Variants in USP40 observed in about 807,000 individuals in gnomAD.
USP40 encodes ubiquitin carboxyl-terminal hydrolase 40.
In USP40, 143 loss-of-function variants were observed where a neutral mutation model predicts 166.2. That is an observed-to-expected ratio of 0.86 (90% CI 0.75 to 0.99). USP40 has a LOEUF of 0.99. Ranked by LOEUF, USP40 falls within the 50% of genes least tolerant of loss-of-function variation. USP40 has a pLI of 0.00. For synonymous variants in USP40, 498 were observed against 524.0 expected, an observed-to-expected ratio of 0.95 and a Z score of 0.68; for missense variants, 1,444 against 1,479.7, an observed-to-expected ratio of 0.98 and a Z score of 0.40.
At chr2:233,504,886 C>CAAAAAGAAA (rs2066314747) in intron 21 of USP40, among the ~76,000 whole-genome samples, 1 of 152,004 alleles carries the variant, frequency 6.6e-6, no homozygotes, top group African/African-American at 2.4e-5. Context: ...AACAGTCCAT[C>CAAAAAGAAA]AACAACTGCA....
chr2:233,494,966 A>ATT (rs2065646883), intron 24 of USP40, among the ~76,000 whole-genome samples: 3 of 101,992 alleles, frequency 2.9e-5, no homozygotes, highest in Admixed American at 9.6e-5. Context: ...TTATATATAT[A>ATT]TATATATATA....
chr2:233,481,155 CAGAG>C (rs1183498560), intron 31 of USP40, 44 bp downstream of exon 31: 11 of 1,515,958 alleles, frequency 7.3e-6, no homozygotes, highest in Non-Finnish European at 9.9e-6. Context: ...AAGAGAGAGT[CAGAG>C]AGGGCTCTGT....
intron 18 of USP40, among the ~76,000 whole-genome samples, chr2:233,513,192 C>T: frequency 6.6e-6 from 1 of 151,718 alleles, no homozygotes; most frequent in Non-Finnish European, 1.5e-5. Flanking sequence ...AACTGTCATA[C>T]TCCTTTCTAA....
Position 233,483,961 on chromosome 2 carries a change from C to T in USP40, c.3504+1570G>A, listed in dbSNP as rs1047756259. Among the ~76,000 whole-genome samples, 4 of 152,164 alleles carry T rather than the reference C, an allele frequency of 2.6e-5. No individual in the cohort carries two copies. The South Asian group carries it at 6.2e-4, about 24-fold the overall frequency. Reference sequence around the variant, plus strand: ...CTCAAGTATCTGTCACATTTCCTCACGTGTGTGATTCTGTTTCTGGGCTTT... The same window carrying T: ...CTCAAGTATCTGTCACATTTCCTCATGTGTGTGATTCTGTTTCTGGGCTTT... On this transcript the variant is annotated intron_variant, in intron 30 of 31. Coordinates refer to ENST00000678225, the MANE Select transcript of USP40 (RefSeq NM_001365479.2).
chr2:233,519,803 G>T, intron 17 of USP40, 132 bp from the exon 18 acceptor site: 1 of 524,030 alleles, frequency 1.9e-6, no homozygotes, highest in Non-Finnish European at 3.2e-6. Context: ...TTTGCCCACT[G>T]GAAATTTTTC....
intron 11 of USP40, among the ~76,000 whole-genome samples, chr2:233,529,814 C>CTTTTTTTTTTTTTTTTTTTT (rs369071345): frequency 2.2e-5 from 3 of 133,950 alleles, no homozygotes; most frequent in African/African-American, 5.8e-5. Context: ...TTTTCTTTTT[C>CTTTTTTTTTTTTTTTTTTTT]TTTTTTTTTT....
intron 31 of USP40, 120 bp from the exon 32 acceptor site, chr2:233,477,623 T>C (rs1378454090): frequency 1.2e-6 from 1 of 850,306 alleles, no homozygotes; most frequent in Non-Finnish European, 1.8e-6. Flanking sequence ...CATTTGCAAT[T>C]GCACAGACAG....
chr2:233,544,830 T>C (rs963312492), intron 8 of USP40, among the ~76,000 whole-genome samples: 3 of 152,214 alleles, frequency 2.0e-5, no homozygotes, highest in Non-Finnish European at 4.4e-5. Context: ...TGCCTTGACC[T>C]TGATACTGGA....
chr2:233,486,128 C>T lies in USP40; in HGVS notation c.3198-151G>A, dbSNP rs1346965415. Among the ~76,000 whole-genome samples, 3 of 152,326 alleles carry T rather than the reference C, an allele frequency of 2.0e-5. No homozygotes were observed. The East Asian group carries it at 5.8e-4, about 29-fold the overall frequency. On this transcript the variant is annotated intron_variant, in intron 28 of 31. Coordinates refer to ENST00000678225, the MANE Select transcript of USP40 (RefSeq NM_001365479.2). The surrounding 1 kb of genome is among the most constrained non-coding windows in gnomAD (Gnocchi z 4.0). ...AAATGCTGGATGCTAGTGGCAAACT[C>T]TTATTCCGCATTTCAATTTCCTTTA...
At chr2:233,485,415 A>C (rs1363456155) in intron 30 of USP40, 116 bp downstream of exon 30, 2 of 869,902 alleles carry the variant, frequency 2.3e-6, no homozygotes, top group Non-Finnish European at 3.5e-6. Context: ...CATTCTCTGA[A>C]ACAATTTGTA....
chr2:233,544,753 A>G (rs560059094), intron 8 of USP40, among the ~76,000 whole-genome samples: 7 of 152,314 alleles, frequency 4.6e-5, no homozygotes, highest in African/African-American at 1.7e-4. Context: ...AAATGGCTAT[A>G]CCTTCAATAT....
Position 233,494,972 on chromosome 2 carries a change from AT to A in USP40, c.2791-1422del, listed in dbSNP as rs1396014458. Among the ~76,000 whole-genome samples, 4 of 79,292 alleles carry A rather than the reference AT, an allele frequency of 5.0e-5. 1 individual carries two copies. The highest frequency in any genetic ancestry group is 2.5e-4 in the African/African-American group (4 of 15,744). 52.0% of individuals were successfully genotyped at this position (79,292 alleles called of 152,430 possible). ...TATATATATTTATATATATATATAT[AT>A]ATATATACACACACATAAAAAATAA... is the stretch of plus-strand genomic sequence containing the variant. On this transcript the variant is annotated intron_variant, in intron 24 of 31. Transcript: ENST00000678225.
rs757792290 is a variant in USP40, at chr2:233,551,404, C to T, written c.809G>A (p.Arg270Gln). Residue 270 changes from arginine to glutamine, a missense_variant, in exon 7 of 32, where the codon CGG becomes CAG. Coordinates refer to ENST00000678225, the MANE Select transcript of USP40 (RefSeq NM_001365479.2). Reference sequence around the variant, plus strand: ...TTCACAAAAGGGCTTGAGATTAATCCGGAGAGGGAATGTATAACAGCTAGT... The same window carrying T: ...TTCACAAAAGGGCTTGAGATTAATCTGGAGAGGGAATGTATAACAGCTAGT... The part of the protein sequence containing the change: ...KETSCYTFPL[R>Q]INLKPFCEQS... 1.1e-5 allele frequency: 18 copies of T among 1,608,438 alleles called. No individual in the cohort carries two copies. The highest frequency in any genetic ancestry group is 7.8e-5 in the South Asian group (7 of 89,420).
At chr2:233,560,048 CTATTA>C (rs2125396262) in intron 3 of USP40, 124 bp from the exon 4 acceptor site, 1 of 575,494 alleles carries the variant, frequency 1.7e-6, no homozygotes, top group African/African-American at 1.9e-5. Flanking sequence ...TATAAATATC[CTATTA>C]TAAGGGAAAA....
Position 233,477,488 on chromosome 2 carries a change from A to C in USP40, c.3615T>G (p.His1205Gln). 1.2e-6 allele frequency: 2 copies of C among 1,613,092 alleles called. No individual in the cohort carries two copies. Among genetic ancestry groups the C allele is most frequent in the Non-Finnish European group, 1.7e-6 (2 of 1,179,594 alleles). Residue 1205 changes from histidine to glutamine, a missense_variant, in exon 32 of 32, where the codon CAT (histidine) becomes CAG (glutamine). Physicochemically the swap from His to Gln is conservative, Grantham distance 24. Coordinates refer to ENST00000678225, the MANE Select transcript of USP40 (RefSeq NM_001365479.2). ...LGRRKSQEAL[H>Q]EQSSYILSSA... The stretch of plus-strand genomic sequence containing the variant: ...TGGAGAGGATGTAGCTGCTCTGCTC[A>C]TGGAGGGCTTCTTGGCTGCAGAGAC...
chr2:233,563,892 G>C (rs80006562), intron 2 of USP40, among the ~76,000 whole-genome samples: 2 of 152,062 alleles, frequency 1.3e-5, no homozygotes, highest in Admixed American at 1.3e-4. Flanking sequence ...CTAATGGTAC[G>C]CTCCATGACC....
intron 2 of USP40, among the ~76,000 whole-genome samples, chr2:233,563,387 G>C (rs2071840387): frequency 6.6e-6 from 1 of 152,130 alleles, no homozygotes; most frequent in Non-Finnish European, 1.5e-5. Flanking sequence ...TGAATCTTTT[G>C]AGAAGTCTGT....
intron 21 of USP40, among the ~76,000 whole-genome samples, chr2:233,509,838 T>TAAAAAA (rs746629187): frequency 1.2e-5 from 1 of 80,826 alleles, no homozygotes; most frequent in Non-Finnish European, 2.5e-5. Flanking sequence ...TGAGACTCTC[T>TAAAAAA]AAAAAAAAAA....
intron 15 of USP40, among the ~76,000 whole-genome samples, chr2:233,523,988 GACGCACAACCTGGTAT>G (rs1483945386): frequency 2.0e-5 from 3 of 152,188 alleles, no homozygotes; most frequent in Non-Finnish European, 4.4e-5. Flanking sequence ...TCTAGCATCT[GACGCACAACCTGGTAT>G]AACGGAGGCG....
Sources: gnomAD v4.1 joint callset for allele counts (sites outside exome capture counted in the v4.1 genomes callset) on GRCh38, gnomAD v4.1.1 for gene constraint, Gnocchi (gnomAD v3.1) non-coding constraint, MANE v1.5 for transcripts, NCBI Gene and HGNC (gene_info 2026-07-23, HGNC 2026-07-21) for gene names.